GNAL: variants seen among roughly 807,000 people sequenced by gnomAD.
GNAL encodes guanine nucleotide-binding protein G(olf) subunit alpha.
Under a neutral mutation model 55.1 loss-of-function variants are expected in GNAL, and 18 were observed. That is an observed-to-expected ratio of 0.33 (90% CI 0.23 to 0.48). GNAL has a LOEUF of 0.48. Among genes scored for constraint, GNAL ranks in the 20% least tolerant of loss-of-function variants. The pLI is 0.99. For synonymous variants in GNAL, 253 were observed against 237.0 expected, an observed-to-expected ratio of 1.07 and a Z score of -0.62; for missense variants, 412 against 614.1, an observed-to-expected ratio of 0.67 and a Z score of 3.48.
intron 1 of GNAL, among the ~76,000 whole-genome samples, chr18:11,730,758 C>T (rs1477531712): frequency 6.6e-6 from 1 of 151,704 alleles, no homozygotes; most frequent in Non-Finnish European, 1.5e-5. Flanking sequence ...AGTGAGACTC[C>T]ATCTCAAAAA....
chr18:11,811,301 C>A, intron 4 of GNAL: 1 of 153,894 alleles, frequency 6.5e-6, no homozygotes, highest in Non-Finnish European at 1.4e-5. Context: ...CACCCCCACT[C>A]GCTTCTCCTT....
intron 4 of GNAL, among the ~76,000 whole-genome samples, chr18:11,807,124 A>G (rs926928826): frequency 6.6e-6 from 1 of 151,336 alleles, no homozygotes; most frequent in African/African-American, 2.4e-5. Flanking sequence ...GTGCCAATAC[A>G]CTCCAGCCTG....
At chr18:11,755,340 C>T (rs1194001943) in intron 4 of GNAL, among the ~76,000 whole-genome samples, 4 of 152,126 alleles carry the variant, frequency 2.6e-5, no homozygotes, top group Non-Finnish European at 4.4e-5. Context: ...AGTGCAGTGG[C>T]GCGGCTCACT....
chr18:11,749,712 A>G (rs1436576704), intron 1 of GNAL, among the ~76,000 whole-genome samples: 1 of 152,148 alleles, frequency 6.6e-6, no homozygotes, highest in Non-Finnish European at 1.5e-5. Flanking sequence ...AGGGCTTGAG[A>G]AGGTGTGGCC....
intron 1 of GNAL, among the ~76,000 whole-genome samples, chr18:11,724,147 A>C (rs1379055573): frequency 6.6e-6 from 1 of 152,166 alleles, no homozygotes; most frequent in Non-Finnish European, 1.5e-5. Context: ...GAAATGCCTG[A>C]GACTGGGAAA....
At chr18:11,712,755 C>T (rs1460517252) in intron 1 of GNAL, among the ~76,000 whole-genome samples, 2 of 152,164 alleles carry the variant, frequency 1.3e-5, no homozygotes, top group African/African-American at 2.4e-5. Flanking sequence ...GAGCAGAGGA[C>T]GTGATTAGAC....
At chr18:11,748,435 C>T (rs937664149) in intron 1 of GNAL, among the ~76,000 whole-genome samples, 21 of 152,130 alleles carry the variant, frequency 1.4e-4, no homozygotes, top group African/African-American at 4.6e-4. Flanking sequence ...AACCCAGTGC[C>T]AGCAATCACT....
Position 11,883,657 on chromosome 18 carries a change from G to A in GNAL, c.*2522G>A, listed in dbSNP as rs1045712875. 3.3e-5 allele frequency: 5 copies of A among 152,820 alleles called. No individual in the cohort carries two copies. Among genetic ancestry groups the A allele is most frequent in the South Asian group, 4.2e-4 (2 of 4,808 alleles). 9.5% of individuals were successfully genotyped at this position (152,820 alleles called of 1,614,324 possible). On this transcript the variant is annotated 3_prime_UTR_variant, in exon 12 of 12. Transcript: ENST00000334049. ...TAATTGATCAAGTATAAAAATCTACGAAAACAATATGTTCTGCACATCACA... is the reference window on the plus strand; with the variant it reads ...TAATTGATCAAGTATAAAAATCTACAAAAACAATATGTTCTGCACATCACA...
At chr18:11,690,389 T>C (rs1166416700) in intron 1 of GNAL, among the ~76,000 whole-genome samples, 1 of 152,172 alleles carries the variant, frequency 6.6e-6, no homozygotes, top group East Asian at 1.9e-4. Context: ...CCGCAAAGCT[T>C]TTATTCCAAT....
intron 5 of GNAL, among the ~76,000 whole-genome samples, chr18:11,838,161 T>C (rs2035537318): frequency 6.6e-6 from 1 of 152,112 alleles, no homozygotes; most frequent in Non-Finnish European, 1.5e-5. Flanking sequence ...CAAATGCCCA[T>C]CAGCCGATGA....
chr18:11,741,229 G>C (rs1368151177), intron 1 of GNAL, among the ~76,000 whole-genome samples: 1 of 152,210 alleles, frequency 6.6e-6, no homozygotes, highest in Non-Finnish European at 1.5e-5. Context: ...AGAGGCCTCA[G>C]AGTTCATCCG....
intron 4 of GNAL, among the ~76,000 whole-genome samples, chr18:11,792,043 A>T (rs752855339): frequency 6.6e-6 from 1 of 151,994 alleles, no homozygotes; most frequent in African/African-American, 2.4e-5. Flanking sequence ...TCTTTTGGAG[A>T]CCTTTCCAAC....
intron 1 of GNAL, among the ~76,000 whole-genome samples, chr18:11,721,239 C>G (rs959803398): frequency 6.6e-6 from 1 of 152,214 alleles, no homozygotes; most frequent in Non-Finnish European, 1.5e-5. Context: ...GGTTCAAAAA[C>G]TCATGACAGA....
At chr18:11,851,529 A>C (rs760445799) in intron 5 of GNAL, 19 of 1,597,922 alleles carry the variant, frequency 1.2e-5, no homozygotes, top group Non-Finnish European at 1.4e-5. Flanking sequence ...ACATGGAGAA[A>C]CACCTGTTCA....
intron 4 of GNAL, among the ~76,000 whole-genome samples, chr18:11,802,505 C>T (rs10048316): frequency 0.25 from 37,803 of 152,048 alleles, 5,621 homozygotes; most frequent in African/African-American, 0.41. Context: ...GGCAGTGGCT[C>T]ACCCTCTAGT....
chr18:11,864,464 T>G, intron 6 of GNAL, 69 bp from the exon 7 acceptor site: 1 of 826,178 alleles, frequency 1.2e-6, no homozygotes, highest in Non-Finnish European at 2.2e-6. Context: ...GAGGTATAGT[T>G]ATACCCGGGC....
At chr18:11,735,608 C>A (rs2032443240) in intron 1 of GNAL, among the ~76,000 whole-genome samples, 1 of 151,674 alleles carries the variant, frequency 6.6e-6, no homozygotes, top group Non-Finnish European at 1.5e-5. Context: ...AAAAGTTGGC[C>A]AGGTGTGGTG....
chr18:11,697,259 C>T (rs529071618), intron 1 of GNAL, among the ~76,000 whole-genome samples: 131 of 151,854 alleles, frequency 8.6e-4, no homozygotes, highest in South Asian at 1.5e-3. Flanking sequence ...GTGAGGAGGC[C>T]GGGCACGGTG....
At chr18:11,692,836 C>T (rs997774452) in intron 1 of GNAL, among the ~76,000 whole-genome samples, 1 of 147,212 alleles carries the variant, frequency 6.8e-6, no homozygotes, top group African/African-American at 2.6e-5. Context: ...AGAATAGAGA[C>T]AAGTCTCACT....
Sources: gnomAD v4.1 joint callset for allele counts (sites outside exome capture counted in the v4.1 genomes callset) on GRCh38, gnomAD v4.1.1 for gene constraint, MANE v1.5 for transcripts, NCBI Gene and HGNC (gene_info 2026-07-23, HGNC 2026-07-21) for gene names.